Variants in PLEKHG4B observed in about 807,000 individuals in gnomAD.
PLEKHG4B encodes the protein pleckstrin homology and RhoGEF domain containing G4B, also known as pleckstrin homology domain-containing family G member 4B.
Under a neutral mutation model 121.3 loss-of-function variants are expected in PLEKHG4B, and 111 were observed. The observed-to-expected ratio is 0.92, with a 90% CI of 0.78 to 1.07. The LOEUF (loss-of-function observed/expected upper bound fraction) is 1.07. PLEKHG4B is among the 50% of genes least tolerant of loss of function. The pLI is 0.00. For missense variants in PLEKHG4B, 1,831 were observed against 1,757.8 expected (o/e 1.04, Z -0.74); for synonymous variants, 738 against 725.0 (o/e 1.02, Z -0.29).
intron 18 of PLEKHG4B, among the ~76,000 whole-genome samples, chr5:175,602 G>A (rs966475188): frequency 3.4e-5 from 5 of 148,780 alleles, no homozygotes; most frequent in Non-Finnish European, 6.0e-5. Flanking sequence ...GCTGCACCCC[G>A]CCTGAGCCCT....
intron 1 of PLEKHG4B, among the ~76,000 whole-genome samples, chr5:102,575 G>A (rs964893312): frequency 8.5e-5 from 13 of 152,300 alleles, no homozygotes; most frequent in African/African-American, 3.1e-4. Flanking sequence ...CCGTGCTTCC[G>A]CCTGTAAGAC....
intron 12 of PLEKHG4B, 72 bp downstream of exon 12, chr5:162,016 C>A: frequency 1.3e-6 from 2 of 1,491,586 alleles, no homozygotes; most frequent in Non-Finnish European, 8.9e-7. Flanking sequence ...CAAGTGCCTC[C>A]CCTCACAAGC....
rs1257533045 is a variant in PLEKHG4B, at chr5:182,647, G to A, written c.*324G>A. On this transcript the variant is annotated 3_prime_UTR_variant, in exon 20 of 20. Coordinates refer to ENST00000637938, the MANE Select transcript of PLEKHG4B (RefSeq NM_052909.5). Reference sequence around the variant, plus strand: ...AAGACACAAGACATTTGGCAACAAAGGACCGCGATCCCTGAGAGACAGGAA... The same window carrying A: ...AAGACACAAGACATTTGGCAACAAAAGACCGCGATCCCTGAGAGACAGGAA... 1 of 307,834 alleles carries A rather than the reference G, an allele frequency of 3.2e-6. No individual in the cohort carries two copies. Among genetic ancestry groups the A allele is most frequent in the Non-Finnish European group, 6.1e-6 (1 of 162,698 alleles). The allele number at this position is 307,834 out of a possible 1,614,324, so 19.1% of individuals were successfully genotyped here. A position where few individuals can be genotyped will look rare whatever the true frequency, so the allele number is the denominator to read the frequency against.
Position 166,397 on chromosome 5 carries a change from C to T in PLEKHG4B, c.3476+2849C>T, listed in dbSNP as rs371163998. On this transcript the variant is annotated intron_variant, in intron 13 of 19. Transcript: ENST00000637938. ...GGCGGGGCTCACAGTAATCCTCTGA[C>T]GGGGCGGAGCTCACACTAATGCTCT... 7.7e-3 allele frequency among the ~76,000 whole-genome samples: 720 copies of T among 94,114 alleles called. 10 individuals carry two copies. The highest frequency in any genetic ancestry group is 0.022 in the African/African-American group (546 of 24,334). 61.7% of individuals were successfully genotyped at this position (94,114 alleles called of 152,430 possible). A position where few individuals can be genotyped will look rare whatever the true frequency, so the allele number is the denominator to read the frequency against.
chr5:132,449 G>T (rs1172170602), intron 2 of PLEKHG4B, among the ~76,000 whole-genome samples: 1 of 152,082 alleles, frequency 6.6e-6, no homozygotes, highest in East Asian at 1.9e-4. Context: ...TGGGTTCTTG[G>T]TCATGAAGTT....
intron 1 of PLEKHG4B, among the ~76,000 whole-genome samples, chr5:111,247 C>A (rs891704400): frequency 6.6e-6 from 1 of 152,260 alleles, no homozygotes; most frequent in Non-Finnish European, 1.5e-5. Flanking sequence ...TTGGGTTACT[C>A]AGCACCTCAA....
chr5:172,758 G>A (rs961869100), intron 16 of PLEKHG4B, 139 bp from the exon 17 acceptor site: 15 of 894,148 alleles, frequency 1.7e-5, no homozygotes, highest in South Asian at 3.0e-5. Flanking sequence ...ACATTAAGGC[G>A]GATTTGCCAG....
intron 1 of PLEKHG4B, among the ~76,000 whole-genome samples, chr5:99,625 A>G (rs1266232101): frequency 3.9e-5 from 6 of 152,202 alleles, no homozygotes; most frequent in Middle Eastern, 6.8e-3. Context: ...TTTATTAGCC[A>G]TCTAGCTTTT....
chr5:146,557 C>T (rs1332937389), intron 6 of PLEKHG4B, among the ~76,000 whole-genome samples: 14 of 145,228 alleles, frequency 9.6e-5, no homozygotes, highest in Middle Eastern at 3.5e-3. Context: ...AGTCCTCCCT[C>T]CTCTTTCCCC....
chr5:140,332 C>A lies in PLEKHG4B; in HGVS notation c.1093C>A (p.Pro365Thr). 1 of 1,539,848 alleles carries A rather than the reference C, an allele frequency of 6.5e-7. No individual in the cohort carries two copies. The highest frequency in any genetic ancestry group is 8.7e-7 in the Non-Finnish European group (1 of 1,143,842). ...CATGGAAGCCTTGCGGAACCCCATG[C>A]CCCTGGGCAGCTCTGAGGAGGCCCT... ...SYMEALRNPM[P>T]LGSSEEALGD... Residue 365 changes from proline to threonine, a missense_variant, in exon 3 of 20, where the codon CCC becomes ACC. Coordinates refer to ENST00000637938, the MANE Select transcript of PLEKHG4B (RefSeq NM_052909.5).
At chr5:107,014 G>A (rs886797100) in intron 1 of PLEKHG4B, among the ~76,000 whole-genome samples, 4 of 152,244 alleles carry the variant, frequency 2.6e-5, no homozygotes, top group African/African-American at 9.6e-5. Flanking sequence ...CCTGCTCAGT[G>A]CAGACATGGG....
intron 18 of PLEKHG4B, among the ~76,000 whole-genome samples, chr5:180,178 G>A (rs1259030233): frequency 6.6e-6 from 1 of 152,138 alleles, no homozygotes; most frequent in South Asian, 2.1e-4. Flanking sequence ...GGCCCGGGCT[G>A]GTGTCTTCAC....
At chr5:136,573 A>G (rs944563531) in intron 2 of PLEKHG4B, among the ~76,000 whole-genome samples, 4 of 152,240 alleles carry the variant, frequency 2.6e-5, no homozygotes, top group African/African-American at 9.6e-5. Context: ...GCTCAACATC[A>G]TTAATCAGGA....
Position 136,648 on chromosome 5 carries a change from AAAAACACCATTAAAGG to A in PLEKHG4B, c.244-2821_244-2806del, listed in dbSNP as rs1415242507. 2.0e-5 allele frequency among the ~76,000 whole-genome samples: 3 copies of A among 152,360 alleles called. No homozygotes were observed. In the East Asian group the frequency reaches 5.8e-4, roughly 29 times the overall value. ...CACCCATTGTGATAGCTTTTAAAGGAAAAACACCATTAAAGGAAAACACCATTAATAGGAAAACACT... is the reference window on the plus strand; with the variant it reads ...CACCCATTGTGATAGCTTTTAAAGGAAAAACACCATTAATAGGAAAACACT... On this transcript the variant is annotated intron_variant, in intron 2 of 19. Coordinates refer to ENST00000637938, the MANE Select transcript of PLEKHG4B (RefSeq NM_052909.5).
At chr5:99,212 A>ATT in intron 1 of PLEKHG4B, among the ~76,000 whole-genome samples, 1 of 105,886 alleles carries the variant, frequency 9.4e-6, no homozygotes, top group Admixed American at 1.0e-4. Context: ...ATATATATAT[A>ATT]TTTTGCGATT....
At chr5:162,609 C>T in intron 12 of PLEKHG4B, 113 bp from the exon 13 acceptor site, 1 of 789,768 alleles carries the variant, frequency 1.3e-6, no homozygotes. Context: ...TCTCGCTCTG[C>T]TTTCTGGCCC....
intron 1 of PLEKHG4B, among the ~76,000 whole-genome samples, chr5:109,265 T>C (rs1489866071): frequency 6.6e-6 from 1 of 151,876 alleles, no homozygotes; most frequent in Admixed American, 6.6e-5. Flanking sequence ...TTAGTGGTGG[T>C]ACACACCTGT....
At chr5:101,196 G>A (rs76559072) in intron 1 of PLEKHG4B, among the ~76,000 whole-genome samples, 10 of 125,706 alleles carry the variant, frequency 8.0e-5, no homozygotes, top group East Asian at 2.1e-4. Flanking sequence ...GAAAAAGTCT[G>A]TAGGGGAGAG....
Position 156,198 on chromosome 5 carries a change from C to T in PLEKHG4B, c.2336C>T (p.Thr779Ile), listed in dbSNP as rs757911999. The T allele has an allele frequency of 4.6e-6, 7 of 1,535,808 alleles. No homozygotes were observed. Among genetic ancestry groups the T allele is most frequent in the Non-Finnish European group, 5.3e-6 (6 of 1,138,810 alleles). The change falls in exon 10 of 20, where the codon ACA becomes ATA. Residue 779 changes from threonine (T) to isoleucine (I), a missense_variant. Physicochemically the swap from Thr to Ile is moderately conservative, Grantham distance 89. Coordinates refer to ENST00000637938, the MANE Select transcript of PLEKHG4B (RefSeq NM_052909.5). The surrounding 1 kb of genome is among the most constrained non-coding windows in gnomAD (Gnocchi z 4.4). Reference sequence around the variant, plus strand: ...CGGCTGAGGAGAGAAGAGCTTGGCACAGAAGACAGCCGGTGAGCGCTCACA... The same window carrying T: ...CGGCTGAGGAGAGAAGAGCTTGGCATAGAAGACAGCCGGTGAGCGCTCACA... ...LARLRREELG[T>I]EDSRDTLEAA...
Sources: allele counts gnomAD v4.1 joint callset (sites outside exome capture counted in the v4.1 genomes callset), GRCh38; gene constraint gnomAD v4.1.1; non-coding constraint Gnocchi (gnomAD v3.1); transcripts MANE v1.5; gene names NCBI Gene and HGNC (gene_info 2026-07-23, HGNC 2026-07-21).